MAP1LC3C: variants seen among roughly 807,000 people sequenced by gnomAD.
MAP1LC3C encodes microtubule-associated protein 1 light chain 3 gamma.
MAP1LC3C carries 12 observed loss-of-function variants against 10.4 expected under a neutral mutation model. The ratio of observed to expected loss-of-function variants is 1.15; its 90% CI spans 0.74 to 1.86. MAP1LC3C has a LOEUF of 1.86. Ranked by LOEUF, MAP1LC3C falls within the 40% of genes most tolerant of loss-of-function variation. MAP1LC3C has a pLI of 0.00. For missense variants in MAP1LC3C, 177 were observed against 185.7 expected, an observed-to-expected ratio of 0.95 and a Z score of 0.27; for synonymous variants, 70 against 69.0, an observed-to-expected ratio of 1.01 and a Z score of -0.07.
chr1:241,997,106 C>T (rs1665101166), intron 3 of MAP1LC3C, among the ~76,000 whole-genome samples: 1 of 151,544 alleles, frequency 6.6e-6, no homozygotes. Flanking sequence ...GCCATGTTGG[C>T]CAGGCTGCTC....
At chr1:241,997,190 C>A (rs1274408058) in intron 3 of MAP1LC3C, among the ~76,000 whole-genome samples, 2 of 152,054 alleles carry the variant, frequency 1.3e-5, no homozygotes, top group East Asian at 1.9e-4. Context: ...TGAGCCACTG[C>A]GCCTGGCCCT....
upstream of MAP1LC3C, chr1:241,999,226 A>T (rs779717401): frequency 2.8e-5 from 12 of 426,628 alleles, no homozygotes; most frequent in Non-Finnish European, 3.8e-5. Context: ...TGGAATCGCC[A>T]CCTGCTTGCT....
chr1:241,997,415 G>A (rs1574236674), intron 3 of MAP1LC3C, among the ~76,000 whole-genome samples: 1 of 152,164 alleles, frequency 6.6e-6, no homozygotes, highest in Admixed American at 6.6e-5. Flanking sequence ...AGCTACTCAG[G>A]AGGCTGAGAT....
At chr1:241,996,909 CAAA>C (rs71174887) in intron 3 of MAP1LC3C, among the ~76,000 whole-genome samples, 6 of 42,762 alleles carry the variant, frequency 1.4e-4, no homozygotes, top group Admixed American at 3.2e-4. Context: ...GACTGCGTCT[CAAA>C]AAAAAAAAAA....
chr1:241,999,665 C>T (rs1025351878), upstream of MAP1LC3C, among the ~76,000 whole-genome samples: 14 of 152,066 alleles, frequency 9.2e-5, no homozygotes, highest in Non-Finnish European at 2.9e-5. Flanking sequence ...AAAAATTAGC[C>T]GGACGTGGTG....
Position 241,996,045 on chromosome 1 carries a change from C to A in MAP1LC3C, c.*118G>T. 2 of 848,364 alleles carry A rather than the reference C, an allele frequency of 2.4e-6. No individual in the cohort carries two copies. Among genetic ancestry groups the A allele is most frequent in the Non-Finnish European group, 1.8e-6 (1 of 564,890 alleles). 52.6% of individuals were successfully genotyped at this position (848,364 alleles called of 1,614,324 possible). On this transcript the variant is annotated 3_prime_UTR_variant, in exon 4 of 4. Coordinates refer to ENST00000357246, the MANE Select transcript of MAP1LC3C (RefSeq NM_001004343.3). Reference sequence around the variant, plus strand: ...ACCACTCTGCTGCCACTGGTTGGAGCTGATCACCCCAGGCATCCCTGCTTC... The same window carrying A: ...ACCACTCTGCTGCCACTGGTTGGAGATGATCACCCCAGGCATCCCTGCTTC...
At position 241,998,776 on chromosome 1, in the gene MAP1LC3C, C is replaced by T. The variant is rs1665139038; in HGVS notation, c.114G>A (p.Pro38=). The change falls in exon 2 of 4, where the codon CCG becomes CCA. Residue 38 remains proline, a splice_region_variant and synonymous_variant. Transcript: ENST00000357246. ...CAGCGGAAGTCCAGTGGTGTCTTAC[C>T]GGGATTTTGTTGGGGAACTTTGCCC... is the stretch of plus-strand genomic sequence containing the variant. ...GIRAKFPNKI[P]VVVERYPRET... The T allele has an allele frequency of 6.2e-7, 1 of 1,613,976 alleles. No homozygotes were observed. Among genetic ancestry groups the T allele is most frequent in the South Asian group, 1.1e-5 (1 of 91,078 alleles).
chr1:241,999,569 C>T (rs1665155435), upstream of MAP1LC3C, among the ~76,000 whole-genome samples: 1 of 152,144 alleles, frequency 6.6e-6, no homozygotes, highest in Admixed American at 6.5e-5. Flanking sequence ...GTGCAGTGGC[C>T]CACGCCTGTA....
At chr1:241,996,518 T>G in intron 3 of MAP1LC3C, 133 bp from the exon 4 acceptor site, 1 of 725,686 alleles carries the variant, frequency 1.4e-6, no homozygotes. Flanking sequence ...GGCTTCCCAT[T>G]TGGGTCAAAA....
intron 3 of MAP1LC3C, 26 bp from the exon 4 acceptor site, chr1:241,996,411 G>T (rs926404849): frequency 6.3e-7 from 1 of 1,596,270 alleles, no homozygotes; most frequent in Non-Finnish European, 8.6e-7. Context: ...GGGTGGTGAG[G>T]GTATGGCCTG....
rs770562679 is a variant in MAP1LC3C, at chr1:241,996,152, C to T, written c.*11G>A. On this transcript the variant is annotated 3_prime_UTR_variant, in exon 4 of 4. Coordinates refer to ENST00000357246, the MANE Select transcript of MAP1LC3C (RefSeq NM_001004343.3). ...CACGTCTGTCAGAGCACACATCCTTCCCGACATGGGCTAGAGAGGATTGCA... is the reference window on the plus strand; with the variant it reads ...CACGTCTGTCAGAGCACACATCCTTTCCGACATGGGCTAGAGAGGATTGCA... 1.2e-6 allele frequency: 2 copies of T among 1,607,534 alleles called. No homozygotes were observed.
At position 241,996,047 on chromosome 1, in the gene MAP1LC3C, G is replaced by A. The variant is rs989017739; in HGVS notation, c.*116C>T. The A allele has an allele frequency of 1.1e-6, 1 of 877,632 alleles. No homozygotes were observed. Among genetic ancestry groups the A allele is most frequent in the Non-Finnish European group, 1.7e-6 (1 of 590,674 alleles). The allele number at this position is 877,632 out of a possible 1,614,324, so 54.4% of individuals were successfully genotyped here. ...CACTCTGCTGCCACTGGTTGGAGCT[G>A]ATCACCCCAGGCATCCCTGCTTCTC... On this transcript the variant is annotated 3_prime_UTR_variant, in exon 4 of 4. Coordinates refer to ENST00000357246, the MANE Select transcript of MAP1LC3C (RefSeq NM_001004343.3).
chr1:242,000,169 C>T (rs899544798), upstream of MAP1LC3C, among the ~76,000 whole-genome samples: 11 of 152,170 alleles, frequency 7.2e-5, no homozygotes, highest in Admixed American at 1.3e-4. Context: ...AGCATCAGAT[C>T]GGGCTGAGGG....
rs900319760 is a variant in MAP1LC3C at position 241,998,709 on chromosome 1, G to T, written c.114+67C>A. The T allele has an allele frequency of 1.4e-5, 23 of 1,611,338 alleles. No homozygotes were observed. In the Admixed American group the frequency reaches 3.7e-4, roughly 26 times the overall value. On this transcript the variant is annotated intron_variant, in intron 2 of 3. Transcript: ENST00000357246. The stretch of plus-strand genomic sequence containing the variant: ...AGAGGGAAGCTGTTGGCTGCTCTTG[G>T]TTTTTCAGAGAACAGGATCGGAACC...
At chr1:241,997,039 C>T (rs1403310317) in intron 3 of MAP1LC3C, among the ~76,000 whole-genome samples, 1 of 150,224 alleles carries the variant, frequency 6.7e-6, no homozygotes, top group African/African-American at 2.5e-5. Flanking sequence ...GCTGGGATGA[C>T]AGGCACGCAA....
chr1:241,999,526 C>T (rs906680215), upstream of MAP1LC3C, among the ~76,000 whole-genome samples: 3 of 152,150 alleles, frequency 2.0e-5, no homozygotes, highest in African/African-American at 7.2e-5. Flanking sequence ...GTAAGAGAAG[C>T]GGTATGGATT....
At position 241,995,781 on chromosome 1, in the gene MAP1LC3C, T is replaced by TGGTG. The variant is rs1293275192; in HGVS notation, c.*378_*381dup. 6.3e-6 allele frequency: 1 copy of TGGTG among 159,338 alleles called. No homozygotes were observed. Among genetic ancestry groups the TGGTG allele is most frequent in the Non-Finnish European group, 1.4e-5 (1 of 72,344 alleles). 9.9% of individuals were successfully genotyped at this position (159,338 alleles called of 1,614,324 possible). A position where few individuals can be genotyped will look rare whatever the true frequency, so the allele number is the denominator to read the frequency against. ...TAAAAATACAAAAATTAGCCTGGTG[T>TGGTG]GGTGGCATGTGCTTGTAATACCAGC... On this transcript the variant is annotated 3_prime_UTR_variant, in exon 4 of 4. Transcript: ENST00000357246.
chr1:241,996,180 G>T lies in MAP1LC3C; in HGVS notation c.427C>A (p.Pro143Thr). 1 of 1,613,926 alleles carries T rather than the reference G, an allele frequency of 6.2e-7. No homozygotes were observed. The highest frequency in any genetic ancestry group is 8.5e-7 in the Non-Finnish European group (1 of 1,179,958). The change falls in exon 4 of 4, where the codon CCC becomes ACC. Residue 143 changes from proline to threonine, a missense_variant. Physicochemically the swap from Pro to Thr is conservative, Grantham distance 38 (BLOSUM62 -1). Transcript: ENST00000357246. Reference protein sequence around the residue: ...PRDGSSLEDRPCNPL With the variant: ...PRDGSSLEDRTCNPL ...GACATGGGCTAGAGAGGATTGCAGGGTCTGTCCTCAAGGCTGCTCCCATCC... is the reference window on the plus strand; with the variant it reads ...GACATGGGCTAGAGAGGATTGCAGGTTCTGTCCTCAAGGCTGCTCCCATCC...
At position 241,996,375 on chromosome 1, in the gene MAP1LC3C, C is replaced by T. The variant is rs1665085901; in HGVS notation, c.232G>A (p.Val78Ile). 5 of 1,613,782 alleles carry T rather than the reference C, an allele frequency of 3.1e-6. No individual in the cohort carries two copies. The highest frequency in any genetic ancestry group is 2.2e-5 in the East Asian group (1 of 44,880). Reference protein sequence around the residue: ...QFLSIIRSRMVLRATEAFYLL... With the variant: ...QFLSIIRSRMILRATEAFYLL... ...TAAAAGGCTTCCGTGGCTCTCAGGACCATGCGGCTCCTGGGATGGGCAGGA... is the reference window on the plus strand; with the variant it reads ...TAAAAGGCTTCCGTGGCTCTCAGGATCATGCGGCTCCTGGGATGGGCAGGA... Residue 78 changes from valine to isoleucine, a missense_variant, in exon 4 of 4, where the codon GTC becomes ATC. Physicochemically the swap from Val to Ile is conservative, Grantham distance 29. Coordinates refer to ENST00000357246, the MANE Select transcript of MAP1LC3C (RefSeq NM_001004343.3).
Sources: gnomAD v4.1 joint callset for allele counts (sites outside exome capture counted in the v4.1 genomes callset) on GRCh38, gnomAD v4.1.1 for gene constraint, MANE v1.5 for transcripts, NCBI Gene and HGNC (gene_info 2026-07-23, HGNC 2026-07-21) for gene names.